The following RNF34 variants were observed in gnomAD, a reference collection of about 807,000 sequenced individuals.
RNF34 encodes the protein ring finger protein 34.
RNF34 carries 12 observed loss-of-function variants against 37.9 expected under a neutral mutation model. The observed-to-expected ratio is 0.32, with a 90% confidence interval of 0.20 to 0.51. The LOEUF (loss-of-function observed/expected upper bound fraction) is 0.51, where lower values mean the gene tolerates loss of function less well. RNF34 is among the 20% of genes least tolerant of loss of function. The pLI, the probability that RNF34 is intolerant of heterozygous loss-of-function variation, is 0.97. For missense variants in RNF34, 362 were observed against 472.7 expected, an observed-to-expected ratio of 0.77 and a Z score of 2.17; for synonymous variants, 155 against 177.2, an observed-to-expected ratio of 0.87 and a Z score of 1.00.
Position 121,417,745 on chromosome 12 carries a change from AGGACGACATGGACACAAGCAGTCT to A in RNF34, c.469_492del (p.Asp157_Leu164del), listed in dbSNP as rs1871706437. ...CTGTGCCATCATGGACTAGGCTCTG[AGGACGACATGGACACAAGCAGTCT>A]GAATTCTTCAAGGTCCCAGACTTCT... On this transcript the variant is annotated inframe_deletion, in exon 3 of 6. Transcript: ENST00000361234. This position sits in a 1 kb window ranked among gnomAD's most constrained non-coding sequence, Gnocchi z 5.0. 2 of 1,614,218 alleles carry A rather than the reference AGGACGACATGGACACAAGCAGTCT, an allele frequency of 1.2e-6. No homozygotes were observed. Among genetic ancestry groups the A allele is most frequent in the East Asian group, 4.5e-5 (2 of 44,890 alleles).
rs782757591 is a variant in RNF34, at chr12:121,417,571, G to A, written c.293G>A (p.Arg98Lys). The A allele has an allele frequency of 6.2e-7, 1 of 1,614,190 alleles. No individual in the cohort carries two copies. Among genetic ancestry groups the A allele is most frequent in the Non-Finnish European group, 8.5e-7 (1 of 1,179,996 alleles). Residue 98 changes from arginine to lysine, a missense_variant, in exon 3 of 6, where the codon AGA becomes AAA. By Grantham distance (26) the Arg-to-Lys change is conservative. Transcript: ENST00000361234. This position sits in a 1 kb window ranked among gnomAD's most constrained non-coding sequence, Gnocchi z 5.0. ...TCAGTCTTACAAGAAAATCTCCGTA[G>A]ATGTTCTACTTGTCACTTATTACAA... ...VCSVLQENLR[R>K]CSTCHLLQET...
rs1343135290 is a variant in RNF34 at position 121,423,583 on chromosome 12, C to T, written c.*7C>T. 6.2e-7 allele frequency: 1 copy of T among 1,610,182 alleles called. No individual in the cohort carries two copies. The highest frequency in any genetic ancestry group is 1.7e-5 in the Admixed American group (1 of 59,760). On this transcript the variant is annotated 3_prime_UTR_variant, in exon 6 of 6. Transcript: ENST00000361234. The surrounding 1 kb of genome is among the most constrained non-coding windows in gnomAD (Gnocchi z 4.3). ...GCACGTGTTCAAGTCCTGAAACAGG[C>T]TCCCCTCACCAGGACAGTCACCCCC...
chr12:121,419,972 G>A (rs1871969084), intron 3 of RNF34: 1 of 328,956 alleles, frequency 3.0e-6, no homozygotes, highest in Non-Finnish European at 5.9e-6. Context: ...TTCCATTATG[G>A]GACCTTCCTG....
intron 1 of RNF34, among the ~76,000 whole-genome samples, chr12:121,406,843 A>G (rs375234075): frequency 2.3e-4 from 35 of 152,212 alleles, no homozygotes; most frequent in African/African-American, 7.5e-4. Context: ...CTTATTCTCT[A>G]TGTTGTTTTA....
chr12:121,420,077 A>C, intron 3 of RNF34, 165 bp from the exon 4 acceptor site: 1 of 559,608 alleles, frequency 1.8e-6, no homozygotes, highest in Non-Finnish European at 3.2e-6. Context: ...TCTTCATGCA[A>C]TTTTGTAGGG....
Position 121,423,186 on chromosome 12 carries a change from A to T in RNF34, c.929-200A>T, listed in dbSNP as rs1872312917. ...GCATTTTATTCTTTACAAAACCCTG[A>T]GGTATAGCTTTTATCATTGCCATTT... On this transcript the variant is annotated intron_variant, in intron 5 of 5. Coordinates refer to ENST00000361234, the MANE Select transcript of RNF34 (RefSeq NM_025126.4). This position sits in a 1 kb window ranked among gnomAD's most constrained non-coding sequence, Gnocchi z 4.3. Among the ~76,000 whole-genome samples the T allele has an allele frequency of 6.6e-6, 1 of 152,244 alleles. No individual in the cohort carries two copies.
intron 1 of RNF34, among the ~76,000 whole-genome samples, chr12:121,415,913 CT>C: frequency 9.2e-6 from 1 of 108,356 alleles, no homozygotes; most frequent in East Asian, 2.9e-4. Flanking sequence ...GTTTTTTGTT[CT>C]GTAAAATTTG....
rs1326292055 is a variant in RNF34 at position 121,423,695 on chromosome 12, T to C, written c.*119T>C. ...AGCTATTTTAAAACATTATTTTGACTACTAAGTGGGGACAGAAAGATCCAT... is the reference window on the plus strand; with the variant it reads ...AGCTATTTTAAAACATTATTTTGACCACTAAGTGGGGACAGAAAGATCCAT... On this transcript the variant is annotated 3_prime_UTR_variant, in exon 6 of 6. Coordinates refer to ENST00000361234, the MANE Select transcript of RNF34 (RefSeq NM_025126.4). The surrounding 1 kb of genome is among the most constrained non-coding windows in gnomAD (Gnocchi z 4.3). 1 of 858,394 alleles carries C rather than the reference T, an allele frequency of 1.2e-6. No individual in the cohort carries two copies. The highest frequency in any genetic ancestry group is 1.7e-5 in the African/African-American group (1 of 58,752). The allele number at this position is 858,394 out of a possible 1,614,324, so 53.2% of individuals were successfully genotyped here.
rs782378708 is a variant in RNF34 at position 121,417,638 on chromosome 12, G to C, written c.360G>C (p.Val120=). 6.2e-7 allele frequency: 1 copy of C among 1,614,218 alleles called. No homozygotes were observed. Among genetic ancestry groups the C allele is most frequent in the Non-Finnish European group, 8.5e-7 (1 of 1,180,038 alleles). ...GCCCTCAGTTAATGCGACTGAAGGTGAAGGACCTGCGGCAGTATCTCATTC... is the reference window on the plus strand; with the variant it reads ...GCCCTCAGTTAATGCGACTGAAGGTCAAGGACCTGCGGCAGTATCTCATTC... ...FQRPQLMRLK[V]KDLRQYLILR... The change falls in exon 3 of 6, where the codon GTG becomes GTC. Residue 120 remains valine (V), a synonymous_variant. Transcript: ENST00000361234. This position sits in a 1 kb window ranked among gnomAD's most constrained non-coding sequence, Gnocchi z 5.0.
At chr12:121,407,920 C>T (rs1870705001) in intron 1 of RNF34, among the ~76,000 whole-genome samples, 1 of 151,962 alleles carries the variant, frequency 6.6e-6, no homozygotes, top group Admixed American at 6.6e-5. Context: ...TTGTCCCCCT[C>T]TCCACTGTAA....
At chr12:121,420,115 T>C in intron 3 of RNF34, 127 bp from the exon 4 acceptor site, 1 of 832,762 alleles carries the variant, frequency 1.2e-6, no homozygotes. Context: ...GTCAGCAGCA[T>C]TCTGAATCCA....
rs557821046 is a variant in RNF34 at position 121,416,085 on chromosome 12, T to G, written c.7-74T>G. ...TGAGGGCAAACTTACCTCTCCAGAATAGCATTCCCTGAGGATCCCAGAGAG... is the reference window on the plus strand; with the variant it reads ...TGAGGGCAAACTTACCTCTCCAGAAGAGCATTCCCTGAGGATCCCAGAGAG... On this transcript the variant is annotated intron_variant, in intron 1 of 5. Coordinates refer to ENST00000361234, the MANE Select transcript of RNF34 (RefSeq NM_025126.4). 39 of 1,224,504 alleles carry G rather than the reference T, an allele frequency of 3.2e-5. No homozygotes were observed. The East Asian group carries it at 7.9e-4, about 25-fold the overall frequency. The allele number at this position is 1,224,504 out of a possible 1,614,324, so 75.9% of individuals were successfully genotyped here.
intron 1 of RNF34, among the ~76,000 whole-genome samples, chr12:121,414,396 T>C (rs1217363687): frequency 6.6e-6 from 1 of 150,908 alleles, no homozygotes; most frequent in African/African-American, 2.4e-5. Context: ...AATTTATTCT[T>C]TTATGTATAC....
At position 121,413,520 on chromosome 12, in the gene RNF34, T is replaced by TCCTG. The variant is rs199695141; in HGVS notation, c.7-2635_7-2632dup. On this transcript the variant is annotated intron_variant, in intron 1 of 5. Coordinates refer to ENST00000361234, the MANE Select transcript of RNF34 (RefSeq NM_025126.4). The stretch of plus-strand genomic sequence containing the variant: ...TCCGCCTCCTGGGTTCAAGCGATTC[T>TCCTG]CCTGCCTCAGCCTCCCGAGTAGCTG... 6.0e-5 allele frequency among the ~76,000 whole-genome samples: 9 copies of TCCTG among 149,538 alleles called. 1 individual carries two copies. In the East Asian group the frequency reaches 1.8e-3, roughly 30 times the overall value.
chr12:121,419,335 C>T lies in RNF34; in HGVS notation c.634-907C>T, dbSNP rs538349327. Among the ~76,000 whole-genome samples, 7 of 152,272 alleles carry T rather than the reference C, an allele frequency of 4.6e-5. No individual in the cohort carries two copies. In the South Asian group the frequency reaches 8.3e-4, roughly 18 times the overall value. On this transcript the variant is annotated intron_variant, in intron 3 of 5. Transcript: ENST00000361234. ...GTTTGTGGAAGTACACTGTGATGTT[C>T]GCACAATGACAAAATCGCCTAAGGA... is the stretch of plus-strand genomic sequence containing the variant.
intron 1 of RNF34, among the ~76,000 whole-genome samples, chr12:121,402,056 G>T (rs1870043738): frequency 6.6e-6 from 1 of 152,200 alleles, no homozygotes; most frequent in Non-Finnish European, 1.5e-5. Context: ...GGCAGAGACT[G>T]ATTCCTGATG....
intron 1 of RNF34, 118 bp downstream of exon 1, chr12:121,400,336 C>A: frequency 8.0e-7 from 1 of 1,243,940 alleles, no homozygotes; most frequent in Non-Finnish European, 1.1e-6. Flanking sequence ...CGGAGAGCTG[C>A]GCTGAGGGGG....
intron 1 of RNF34, among the ~76,000 whole-genome samples, chr12:121,413,842 T>C (rs1193208159): frequency 6.6e-6 from 1 of 152,140 alleles, no homozygotes; most frequent in Admixed American, 6.6e-5. Context: ...CCCAAAGTGC[T>C]GGCATTACAG....
intron 1 of RNF34, among the ~76,000 whole-genome samples, chr12:121,408,574 C>T (rs1370430556): frequency 6.6e-6 from 1 of 152,126 alleles, no homozygotes; most frequent in Non-Finnish European, 1.5e-5. Flanking sequence ...GTAGAGATGC[C>T]TTTGCCCTGA....
Sources: gnomAD v4.1 joint callset for allele counts (sites outside exome capture counted in the v4.1 genomes callset) on GRCh38, gnomAD v4.1.1 for gene constraint, Gnocchi (gnomAD v3.1) non-coding constraint, MANE v1.5 for transcripts, NCBI Gene and HGNC (gene_info 2026-07-23, HGNC 2026-07-21) for gene names.